HMCN2: variants seen among roughly 807,000 people sequenced by gnomAD.
HMCN2 encodes hemicentin-2.
Under a neutral mutation model 377.5 loss-of-function variants are expected in HMCN2, and 325 were observed. That is an observed-to-expected ratio of 0.86 (90% CI 0.79 to 0.94). The LOEUF (loss-of-function observed/expected upper bound fraction) is 0.94. HMCN2 is among the 40% of genes least tolerant of loss of function. HMCN2 has a pLI of 0.00. For missense variants in HMCN2, 4,543 were observed against 4,725.3 expected (o/e 0.96, Z 1.13); for synonymous variants, 2,007 against 2,046.8 (o/e 0.98, Z 0.53).
At position 130,354,763 on chromosome 9, in the gene HMCN2, T is replaced by C; in HGVS notation, c.4865T>C (p.Val1622Ala). The C allele has an allele frequency of 7.7e-7, 1 of 1,296,234 alleles. No individual in the cohort carries two copies. Among genetic ancestry groups the C allele is most frequent in the Non-Finnish European group, 1.0e-6 (1 of 983,406 alleles). 80.3% of individuals were successfully genotyped at this position (1,296,234 alleles called of 1,614,324 possible). A position where few individuals can be genotyped will look rare whatever the true frequency, so the allele number is the denominator to read the frequency against. Residue 1622 changes from valine to alanine, a missense_variant and splice_region_variant, in exon 32 of 98, where the codon GTC becomes GCC. Val to Ala is a moderately conservative substitution (Grantham distance 64, BLOSUM62 0). Transcript: ENST00000683500. ...AAGCCGCCCCCTGCCTCTTTTCCAGTCCCACCTACCATCGAGGGCGCCGGT... is the reference window on the plus strand; with the variant it reads ...AAGCCGCCCCCTGCCTCTTTTCCAGCCCCACCTACCATCGAGGGCGCCGGT... The part of the protein sequence containing the change: ...AEKATRLDVY[V>A]PPTIEGAGGR...
intron 1 of HMCN2, among the ~76,000 whole-genome samples, chr9:130,273,761 G>C (rs1019173541): frequency 1.3e-5 from 2 of 152,250 alleles, no homozygotes. Flanking sequence ...GCCTCCCAAA[G>C]TGCTGGGATT....
chr9:130,309,822 C>G (rs574596505), intron 14 of HMCN2, 90 bp from the exon 15 acceptor site: 1 of 352,292 alleles, frequency 2.8e-6, no homozygotes, highest in South Asian at 2.2e-5. Flanking sequence ...CTTGTGCAGC[C>G]GCAGGAGCCA....
intron 52 of HMCN2, 39 bp downstream of exon 52, chr9:130,376,697 C>T (rs1841399907): frequency 2.0e-6 from 2 of 984,782 alleles, no homozygotes; most frequent in Non-Finnish European, 2.4e-6. Context: ...TGGCTCTCAC[C>T]TCTGCTTCCG....
In HMCN2 at chr9:130,433,427, CT is replaced by C; in HGVS notation, c.14975del (p.Leu4992ArgfsTer100). 2.0e-6 allele frequency: 3 copies of C among 1,493,802 alleles called. No homozygotes were observed. The highest frequency in any genetic ancestry group is 1.3e-5 in the South Asian group (1 of 79,404). The allele number at this position is 1,493,802 out of a possible 1,614,324, so 92.5% of individuals were successfully genotyped here. On this transcript the variant is annotated frameshift_variant, in exon 98 of 98. Coordinates refer to ENST00000683500, the MANE Select transcript of HMCN2 (RefSeq NM_001291815.2). LOFTEE classifies it high-confidence loss of function. ...GCAGTACCGGCTGCTGCCGCTGCCCCTGGGCGTGCGCGCCCACCACGACGTG... is the reference window on the plus strand; with the variant it reads ...GCAGTACCGGCTGCTGCCGCTGCCCCGGGCGTGCGCGCCCACCACGACGTG... ...TLQYRLLPLP[L>X]GVRAHHDVAR...
chr9:130,291,207 T>TTTTG (rs782098065), intron 4 of HMCN2, among the ~76,000 whole-genome samples: 6 of 152,148 alleles, frequency 3.9e-5, no homozygotes, highest in East Asian at 3.8e-4. Flanking sequence ...CATACTTGAT[T>TTTTG]TTTGTTTGTT....
intron 1 of HMCN2, among the ~76,000 whole-genome samples, chr9:130,273,137 G>T: frequency 6.8e-6 from 1 of 147,488 alleles, no homozygotes; most frequent in Non-Finnish European, 1.5e-5. Context: ...TTTTCTCATA[G>T]GTTCCACCCT....
At chr9:130,316,084 G>T (rs919621440) in intron 15 of HMCN2, among the ~76,000 whole-genome samples, 2 of 152,176 alleles carry the variant, frequency 1.3e-5, no homozygotes, top group Non-Finnish European at 2.9e-5. Flanking sequence ...CACCACCGAG[G>T]GTGGTTCAGA....
rs561560527 is a variant in HMCN2 at position 130,392,195 on chromosome 9, C to G, written c.10136+77C>G. On this transcript the variant is annotated intron_variant, in intron 66 of 97. Coordinates refer to ENST00000683500, the MANE Select transcript of HMCN2 (RefSeq NM_001291815.2). ...GGGGATTGTCAGCAAATGGGAGGTG[C>G]TGGAAGCCAGGACTGGCTGCAACAC... The G allele has an allele frequency of 7.3e-6, 7 of 963,756 alleles. No individual in the cohort carries two copies. The Admixed American group carries it at 3.1e-4, about 42-fold the overall frequency. 59.7% of individuals were successfully genotyped at this position (963,756 alleles called of 1,614,324 possible).
intron 24 of HMCN2, among the ~76,000 whole-genome samples, chr9:130,342,124 T>C (rs1839092072): frequency 6.6e-6 from 1 of 152,120 alleles, no homozygotes. Flanking sequence ...AGGGTACAGC[T>C]CAGCCTCCCC....
At chr9:130,312,600 CTTTCTTTCTTTCTT>C (rs1837326695) in intron 15 of HMCN2, among the ~76,000 whole-genome samples, 2 of 95,930 alleles carry the variant, frequency 2.1e-5, no homozygotes, top group African/African-American at 4.1e-5. Flanking sequence ...TTCTTTCTTT[CTTTCTTTCTTTCTT>C]TCTCTGTCTC....
At chr9:130,370,922 C>T in intron 45 of HMCN2, 42 bp from the exon 46 acceptor site, 2 of 982,744 alleles carry the variant, frequency 2.0e-6, no homozygotes, top group Non-Finnish European at 1.2e-6. Context: ...AAGCACACAG[C>T]CCATATCTGC....
intron 79 of HMCN2, 63 bp downstream of exon 79, chr9:130,403,391 G>A (rs141424881): frequency 5.5e-6 from 7 of 1,276,774 alleles, no homozygotes; most frequent in Non-Finnish European, 7.1e-6. Flanking sequence ...GGCAGGGGGG[G>A]AGTCCTGCTT....
In HMCN2 at chr9:130,303,077, G is replaced by T; in HGVS notation, c.1421+76G>T. 1 of 382,720 alleles carries T rather than the reference G, an allele frequency of 2.6e-6. No homozygotes were observed. Among genetic ancestry groups the T allele is most frequent in the Non-Finnish European group, 5.5e-6 (1 of 180,914 alleles). 23.7% of individuals were successfully genotyped at this position (382,720 alleles called of 1,614,324 possible). On this transcript the variant is annotated intron_variant, in intron 9 of 97. Coordinates refer to ENST00000683500, the MANE Select transcript of HMCN2 (RefSeq NM_001291815.2). The surrounding 1 kb of genome is among the most constrained non-coding windows in gnomAD (Gnocchi z 5.2). ...CTGAGGCCCTGGAGGGATCTCAGGG[G>T]AGTGGGTGGCAGGAGAGAGACCTTG...
At chr9:130,310,664 G>C (rs149040048) in intron 15 of HMCN2, among the ~76,000 whole-genome samples, 5,378 of 151,704 alleles carry the variant, frequency 0.035, 241 homozygotes, top group African/African-American at 0.11. Flanking sequence ...GCTACCCATG[G>C]GTGTGAACAC....
intron 82 of HMCN2, chr9:130,407,237 TG>T (rs1843144981): frequency 1.1e-5 from 2 of 177,772 alleles, no homozygotes; most frequent in African/African-American, 4.9e-5. Flanking sequence ...GCAACAAGAG[TG>T]AAACTGTCTC....
intron 54 of HMCN2, among the ~76,000 whole-genome samples, chr9:130,380,569 T>G (rs534495457): frequency 6.6e-6 from 1 of 152,206 alleles, no homozygotes; most frequent in Non-Finnish European, 1.5e-5. Context: ...GGAGGATCGC[T>G]TGAGCCCAGG....
At position 130,433,511 on chromosome 9, in the gene HMCN2, A is replaced by G; in HGVS notation, c.15058A>G (p.Met5020Val). The change falls in exon 98 of 98, where the codon ATG becomes GTG. Residue 5020 changes from methionine to valine, a missense_variant. Met to Val is a conservative substitution (Grantham distance 21, BLOSUM62 1). Transcript: ENST00000683500. ...CCCCGCCAACCGCACCGAGCTCAGC[A>G]TGCTGGAGCCCGACCCCCGCAGCCC... is the stretch of plus-strand genomic sequence containing the variant. ...GVPANRTELS[M>V]LEPDPRSPFA... 1 of 1,493,210 alleles carries G rather than the reference A, an allele frequency of 6.7e-7. No individual in the cohort carries two copies. The allele number at this position is 1,493,210 out of a possible 1,614,324, so 92.5% of individuals were successfully genotyped here. A position where few individuals can be genotyped will look rare whatever the true frequency, so the allele number is the denominator to read the frequency against.
chr9:130,314,642 T>C lies in HMCN2; in HGVS notation c.2350+4581T>C, dbSNP rs1031090729. The stretch of plus-strand genomic sequence containing the variant: ...GGGTCCACTTTGCCCATCTGCACAG[T>C]CTTCCATCCTGAGACTCCTCCCTCC... On this transcript the variant is annotated intron_variant, in intron 15 of 97. Coordinates refer to ENST00000683500, the MANE Select transcript of HMCN2 (RefSeq NM_001291815.2). Among the ~76,000 whole-genome samples, 586 of 152,236 alleles carry C rather than the reference T, an allele frequency of 3.8e-3. 2 individuals are homozygous for C. The highest frequency in any genetic ancestry group is 7.2e-3 in the Non-Finnish European group (492 of 67,988).
intron 1 of HMCN2, among the ~76,000 whole-genome samples, chr9:130,278,541 C>T (rs1834925971): frequency 6.6e-6 from 1 of 152,114 alleles, no homozygotes; most frequent in Admixed American, 6.6e-5. Context: ...AAATTCATGT[C>T]CTTCCTGGGA....
Sources: allele counts gnomAD v4.1 joint callset (sites outside exome capture counted in the v4.1 genomes callset), GRCh38; gene constraint gnomAD v4.1.1; non-coding constraint Gnocchi (gnomAD v3.1); transcripts MANE v1.5; gene names NCBI Gene and HGNC (gene_info 2026-07-23, HGNC 2026-07-21).